The following C1QTNF3 variants were observed in gnomAD, a reference collection of about 807,000 sequenced individuals.
C1QTNF3 encodes the protein complement C1q tumor necrosis factor-related protein 3.
C1QTNF3 carries 26 observed loss-of-function variants against 32.6 expected under a neutral mutation model. The observed-to-expected ratio is 0.80, with a 90% CI of 0.58 to 1.11. The LOEUF (loss-of-function observed/expected upper bound fraction) is 1.11. C1QTNF3 is among the 50% of genes least tolerant of loss of function. The probability of loss-of-function intolerance (pLI) is 0.00; values close to 1 mark genes in which losing one functional copy is unlikely to be tolerated. For synonymous variants in C1QTNF3, 155 were observed against 146.0 expected (o/e 1.06, Z -0.44); for missense variants, 362 against 398.2 (o/e 0.91, Z 0.77).
At chr5:34,194,938 A>C in the C1QTNF3 span, among the ~76,000 whole-genome samples, 1 of 148,196 alleles carries the variant, frequency 6.7e-6, no homozygotes, top group South Asian at 2.2e-4. Flanking sequence ...GACAAGAAAA[A>C]AGTCTTTACA....
the C1QTNF3 span, chr5:34,166,240 C>T: frequency 6.6e-6 from 1 of 151,998 alleles, no homozygotes; most frequent in South Asian, 2.1e-4. Context: ...TGTCTCCCTT[C>T]AATATTTCCT....
the C1QTNF3 span, among the ~76,000 whole-genome samples, chr5:34,055,922 C>A: frequency 6.6e-6 from 1 of 152,172 alleles, no homozygotes; most frequent in Non-Finnish European, 1.5e-5. Context: ...GGTCAATTGT[C>A]CTGTGACACT....
chr5:34,025,740 T>C (rs1396641661), intron 4 of C1QTNF3, among the ~76,000 whole-genome samples: 4 of 152,202 alleles, frequency 2.6e-5, no homozygotes, highest in African/African-American at 7.2e-5. Context: ...AAATCCTTAC[T>C]TAGGCTTCAA....
the C1QTNF3 span, chr5:34,165,753 TTA>T: frequency 2.6e-5 from 4 of 151,782 alleles, no homozygotes; most frequent in Admixed American, 1.3e-4. Context: ...CAATCTTTTT[TTA>T]AAAAAAAAGT....
chr5:34,144,310 C>T, the C1QTNF3 span, among the ~76,000 whole-genome samples: 1 of 152,218 alleles, frequency 6.6e-6, no homozygotes, highest in Admixed American at 6.5e-5. Context: ...TTTAGCCACA[C>T]ATTAATAGTG....
At chr5:34,178,071 A>G in the C1QTNF3 span, among the ~76,000 whole-genome samples, 1 of 146,244 alleles carries the variant, frequency 6.8e-6, no homozygotes, top group Non-Finnish European at 1.5e-5. Flanking sequence ...GTTCAAGACC[A>G]GCCTGACCAA....
chr5:34,124,641 C>T, the C1QTNF3 span: 8 of 475,548 alleles, frequency 1.7e-5, no homozygotes, highest in Admixed American at 3.8e-5. Context: ...CATCACACTC[C>T]ACCTCCAACA....
chr5:34,209,539 ATAT>A, the C1QTNF3 span, among the ~76,000 whole-genome samples: 2 of 151,792 alleles, frequency 1.3e-5, no homozygotes, highest in Admixed American at 6.6e-5. Context: ...AATAATCTGA[ATAT>A]TATTACTAAT....
At chr5:34,196,547 T>C in the C1QTNF3 span, among the ~76,000 whole-genome samples, 31 of 152,392 alleles carry the variant, frequency 2.0e-4, no homozygotes, top group South Asian at 6.2e-3. Flanking sequence ...AATAGAACTT[T>C]ATATGACGAG....
the C1QTNF3 span, chr5:34,166,098 A>C: frequency 2.0e-5 from 3 of 151,266 alleles, no homozygotes; most frequent in African/African-American, 7.3e-5. Flanking sequence ...AAAGTGTTTT[A>C]GAACAGGACA....
the C1QTNF3 span, among the ~76,000 whole-genome samples, chr5:34,070,219 G>A: frequency 2.0e-5 from 3 of 152,078 alleles, no homozygotes; most frequent in African/African-American, 7.2e-5. Context: ...GAGTGAAAAA[G>A]ACATGAGCAC....
the C1QTNF3 span, among the ~76,000 whole-genome samples, chr5:34,163,307 C>A: frequency 4.6e-5 from 7 of 152,008 alleles, no homozygotes; most frequent in Non-Finnish European, 7.4e-5. Context: ...ATATAACAAA[C>A]CTTCGCATGT....
the C1QTNF3 span, among the ~76,000 whole-genome samples, chr5:34,095,705 TCA>T: frequency 6.6e-6 from 1 of 151,984 alleles, no homozygotes. Flanking sequence ...ACTGAAGTAT[TCA>T]CAGACTTGGA....
chr5:34,069,945 C>G, the C1QTNF3 span, among the ~76,000 whole-genome samples: 1 of 152,120 alleles, frequency 6.6e-6, no homozygotes, highest in Admixed American at 6.6e-5. Context: ...ATAAGGTGAT[C>G]AAGTAATATA....
chr5:34,073,734 T>C, the C1QTNF3 span, among the ~76,000 whole-genome samples: 1 of 152,156 alleles, frequency 6.6e-6, no homozygotes, highest in Non-Finnish European at 1.5e-5. Flanking sequence ...TGTAACGACA[T>C]GCATGTTTCT....
chr5:34,058,087 T>G, the C1QTNF3 span, among the ~76,000 whole-genome samples: 7 of 152,146 alleles, frequency 4.6e-5, no homozygotes, highest in African/African-American at 1.7e-4. Flanking sequence ...CTACCACACT[T>G]GCAGACACTC....
the C1QTNF3 span, among the ~76,000 whole-genome samples, chr5:34,066,915 C>G: frequency 6.6e-6 from 1 of 152,044 alleles, no homozygotes; most frequent in East Asian, 1.9e-4. Context: ...TCCTTCTTCC[C>G]TTATAAAACT....
the C1QTNF3 span, among the ~76,000 whole-genome samples, chr5:34,202,290 A>C: frequency 6.6e-6 from 1 of 151,586 alleles, no homozygotes; most frequent in Non-Finnish European, 1.5e-5. Context: ...AATAATGTAA[A>C]CACATGCTGG....
At chr5:34,056,454 G>GTGTGTGTATATA in the C1QTNF3 span, among the ~76,000 whole-genome samples, 33 of 48,940 alleles carry the variant, frequency 6.7e-4, no homozygotes, top group Admixed American at 1.4e-3. Context: ...GTGTGTGTGT[G>GTGTGTGTATATA]TATATATATA....
Sources: allele counts gnomAD v4.1 joint callset (sites outside exome capture counted in the v4.1 genomes callset), GRCh38; gene constraint gnomAD v4.1.1; transcripts MANE v1.5; gene names NCBI Gene and HGNC (gene_info 2026-07-23, HGNC 2026-07-21).